The following LCORL variants were observed in gnomAD, a reference collection of about 807,000 sequenced individuals.
LCORL encodes ligand-dependent nuclear receptor corepressor-like protein.
In LCORL, 41 loss-of-function variants were observed where a neutral mutation model predicts 141.8. The ratio of observed to expected loss-of-function variants is 0.29; its 90% CI spans 0.23 to 0.38. The LOEUF is 0.38. Among genes scored for constraint, LCORL ranks in the 10% least tolerant of loss-of-function variants. LCORL has a pLI of 1.00. For missense variants in LCORL, 1,759 were observed against 2,035.0 expected (o/e 0.86, Z 2.61); for synonymous variants, 618 against 694.1 (o/e 0.89, Z 1.72).
At chr4:17,860,032 T>A (rs1324081248) in intron 7 of LCORL, among the ~76,000 whole-genome samples, 1 of 152,126 alleles carries the variant, frequency 6.6e-6, no homozygotes, top group Non-Finnish European at 1.5e-5. Context: ...AAATCAATAT[T>A]GGGATAGGAA....
At chr4:17,875,256 C>T (rs1726794640) in exon 7 of LCORL, 2 of 1,231,532 alleles carry the variant, frequency 1.6e-6, no homozygotes, top group Non-Finnish European at 2.0e-6. Context: ...ACCAGGCTTC[C>T]TACTTATTGC....
chr4:18,000,299 T>C (rs373766969), intron 1 of LCORL, among the ~76,000 whole-genome samples: 1 of 151,882 alleles, frequency 6.6e-6, no homozygotes, highest in Non-Finnish European at 1.5e-5. Context: ...AAACAAGCAA[T>C]TAAAAAATAG....
chr4:17,856,683 C>T (rs879618220), intron 7 of LCORL, among the ~76,000 whole-genome samples: 9 of 152,104 alleles, frequency 5.9e-5, no homozygotes, highest in Non-Finnish European at 1.3e-4. Context: ...AATAAAAGTT[C>T]GAATTTCTCA....
chr4:17,884,955 G>A lies in LCORL; in HGVS notation c.776+1113C>T, dbSNP rs891189525. 9.2e-5 allele frequency among the ~76,000 whole-genome samples: 14 copies of A among 151,992 alleles called. No individual in the cohort carries two copies. Among genetic ancestry groups the A allele is most frequent in the Admixed American group, 2.0e-4 (3 of 15,220 alleles). ...TGGTAGGACAATGTGACAATGATAC[G>A]GTGGCCTCAACGGGCAGACCTTCCA... On this transcript the variant is annotated intron_variant, in intron 6 of 7. Transcript: ENST00000635767. The surrounding 1 kb of genome is among the most constrained non-coding windows in gnomAD (Gnocchi z 4.4).
At chr4:17,972,716 G>C in intron 2 of LCORL, 104 bp downstream of exon 2, 1 of 402,052 alleles carries the variant, frequency 2.5e-6, no homozygotes, top group Non-Finnish European at 4.3e-6. Flanking sequence ...AATTAAATTG[G>C]ATCATAAATT....
intron 1 of LCORL, among the ~76,000 whole-genome samples, chr4:17,994,333 G>GCTA (rs1429509620): frequency 6.6e-6 from 1 of 151,914 alleles, no homozygotes; most frequent in Non-Finnish European, 1.5e-5. Flanking sequence ...CTCATGTCAT[G>GCTA]CTACTCCCTG....
intron 7 of LCORL, among the ~76,000 whole-genome samples, chr4:17,860,663 G>A (rs1477082300): frequency 6.6e-6 from 1 of 152,138 alleles, no homozygotes; most frequent in African/African-American, 2.4e-5. Context: ...TAATTCAAAA[G>A]TCCACAGTCC....
At chr4:17,895,901 C>T (rs1050625459) in intron 5 of LCORL, among the ~76,000 whole-genome samples, 5 of 152,200 alleles carry the variant, frequency 3.3e-5, no homozygotes, top group African/African-American at 1.2e-4. Context: ...AATACTATTC[C>T]ATTGTATGGA....
intron 5 of LCORL, among the ~76,000 whole-genome samples, chr4:17,894,379 A>G (rs1471014426): frequency 6.6e-6 from 1 of 152,188 alleles, no homozygotes; most frequent in African/African-American, 2.4e-5. Flanking sequence ...TGGATTTCAC[A>G]ATTCCTTTTT....
At chr4:17,929,488 G>C (rs1406140904) in intron 4 of LCORL, among the ~76,000 whole-genome samples, 2 of 152,068 alleles carry the variant, frequency 1.3e-5, no homozygotes, top group Non-Finnish European at 2.9e-5. Context: ...ATTTATTTTT[G>C]ATGAGTACTA....
chr4:17,848,593 C>G (rs947168648), intron 7 of LCORL, among the ~76,000 whole-genome samples: 1 of 152,248 alleles, frequency 6.6e-6, no homozygotes, highest in Admixed American at 6.5e-5. Context: ...CAGCTCCCAG[C>G]GTGAGCGACG....
rs553525509 is a variant in LCORL, at chr4:17,879,074, TAC to T, written c.777-863_777-862del. 2.0e-3 allele frequency among the ~76,000 whole-genome samples: 302 copies of T among 151,340 alleles called. 1 individual carries two copies. The highest frequency in any genetic ancestry group is 3.3e-3 in the Non-Finnish European group (221 of 67,370). On this transcript the variant is annotated intron_variant, in intron 6 of 7. Coordinates refer to ENST00000635767, the Ensembl canonical transcript of LCORL. ...CTGTACATGAAAATTGCCTTTCACT[TAC>T]AGTTTATTACATTTGTTGTTTTTAA...
chr4:18,021,035 CCAG>C lies in LCORL; in HGVS notation c.154+560_154+562del, dbSNP rs1038395951. Among the ~76,000 whole-genome samples the C allele has an allele frequency of 1.3e-5, 2 of 152,112 alleles. No individual in the cohort carries two copies. The highest frequency in any genetic ancestry group is 2.9e-5 in the Non-Finnish European group (2 of 67,984). On this transcript the variant is annotated intron_variant, in intron 1 of 7. Transcript: ENST00000635767. This position sits in a 1 kb window ranked among gnomAD's most constrained non-coding sequence, Gnocchi z 5.5. ...ACGACGCCCCCGCCGCCCCTCGCCC[CCAG>C]CCGGCCCATCAGCGGCCCCCGCCCT... is the stretch of plus-strand genomic sequence containing the variant.
chr4:17,932,502 C>T lies in LCORL; in HGVS notation c.431-23157G>A, dbSNP rs112110360. ...TGATTCCTAAATAATACATAAGTGA[C>T]ACTCAGTGAATTTTTCCTACTTCAT... On this transcript the variant is annotated intron_variant, in intron 4 of 7. Coordinates refer to ENST00000635767, the Ensembl canonical transcript of LCORL. Among the ~76,000 whole-genome samples, 1,182 of 152,182 alleles carry T rather than the reference C, an allele frequency of 7.8e-3. 11 individuals are homozygous for T. Among genetic ancestry groups the T allele is most frequent in the African/African-American group, 0.027 (1,117 of 41,534 alleles).
At chr4:17,875,925 C>A (rs1726870011) in exon 7 of LCORL, 1 of 1,231,194 alleles carries the variant, frequency 8.1e-7, no homozygotes, top group Non-Finnish European at 1.0e-6. Context: ...ATCATAATGA[C>A]TGGAGTGATA....
exon 8 of LCORL, chr4:17,845,513 C>A: frequency 4.9e-6 from 2 of 405,506 alleles, no homozygotes; most frequent in South Asian, 6.7e-5. Flanking sequence ...AGAGAAACAT[C>A]AAAATCCGTT....
At chr4:17,982,742 T>G (rs1432310415) in intron 1 of LCORL, among the ~76,000 whole-genome samples, 1 of 152,218 alleles carries the variant, frequency 6.6e-6, no homozygotes, top group Non-Finnish European at 1.5e-5. Flanking sequence ...TGTTGACAGT[T>G]TCTTTTGCTG....
intron 1 of LCORL, among the ~76,000 whole-genome samples, chr4:18,012,638 A>AC (rs974514323): frequency 2.0e-5 from 3 of 152,188 alleles, no homozygotes; most frequent in Non-Finnish European, 2.9e-5. Flanking sequence ...TGTTACACAT[A>AC]CCACATCTCA....
At position 17,847,290 on chromosome 4, in the gene LCORL, A is replaced by G. The variant is rs552312094; in HGVS notation, c.5603-1389T>C. On this transcript the variant is annotated intron_variant, in intron 7 of 7. Transcript: ENST00000635767. ...AGCTCTACAAGTCTTCCTATTAGCA[A>G]TGAGGTTCAGGGTCTCATATTTAAG... 5.9e-5 allele frequency among the ~76,000 whole-genome samples: 9 copies of G among 152,320 alleles called. No individual in the cohort carries two copies. The South Asian group carries it at 1.0e-3, about 18-fold the overall frequency.
Sources: allele counts gnomAD v4.1 joint callset (sites outside exome capture counted in the v4.1 genomes callset), GRCh38; gene constraint gnomAD v4.1.1; non-coding constraint Gnocchi (gnomAD v3.1); transcripts MANE v1.5; gene names NCBI Gene and HGNC (gene_info 2026-07-23, HGNC 2026-07-21).